The following HRH1 variants were observed in gnomAD, a reference collection of about 807,000 sequenced individuals.
The protein encoded by HRH1 is histamine H1 receptor.
A neutral mutation model predicts 10.3 loss-of-function variants in HRH1; 6 were observed. That is an observed-to-expected ratio of 0.58 (90% CI 0.32 to 1.15). The LOEUF is 1.15. Ranked by LOEUF, HRH1 falls within the 50% of genes most tolerant of loss-of-function variation. The pLI is 0.05. For synonymous variants in HRH1, 242 were observed against 236.7 expected (o/e 1.02, Z -0.21); for missense variants, 514 against 615.3 (o/e 0.84, Z 1.74).
chr3:11,250,686 G>C (rs1167641014), intron 1 of HRH1, among the ~76,000 whole-genome samples: 1 of 152,218 alleles, frequency 6.6e-6, no homozygotes, highest in East Asian at 1.9e-4. Flanking sequence ...GGGAAGATCA[G>C]TAGTAGAATG....
intron 1 of HRH1, among the ~76,000 whole-genome samples, chr3:11,237,688 T>TG (rs1343485013): frequency 7.8e-5 from 8 of 102,242 alleles, no homozygotes; most frequent in African/African-American, 2.8e-4. Flanking sequence ...TTTTTTTTTT[T>TG]TTTTTGAGAT....
intron 1 of HRH1, among the ~76,000 whole-genome samples, chr3:11,223,037 T>G (rs1391849388): frequency 6.7e-6 from 1 of 149,326 alleles, no homozygotes; most frequent in Non-Finnish European, 1.5e-5. Flanking sequence ...ATACAAAAAT[T>G]AGCTGGGCAT....
intron 1 of HRH1, among the ~76,000 whole-genome samples, chr3:11,181,877 C>T (rs537556851): frequency 3.6e-4 from 55 of 152,256 alleles, no homozygotes; most frequent in African/African-American, 1.2e-3. Context: ...GTGATCCTCC[C>T]GCCTTGGCTT....
intron 1 of HRH1, among the ~76,000 whole-genome samples, chr3:11,193,552 C>T (rs1310320655): frequency 6.6e-6 from 1 of 152,010 alleles, no homozygotes; most frequent in Non-Finnish European, 1.5e-5. Context: ...TAGACCGAAC[C>T]TTCTCACTCT....
intron 1 of HRH1, among the ~76,000 whole-genome samples, chr3:11,221,991 A>T (rs1938725221): frequency 6.6e-6 from 1 of 152,152 alleles, no homozygotes; most frequent in Non-Finnish European, 1.5e-5. Context: ...TTCCCCATTC[A>T]TCTGCTGATG....
intron 1 of HRH1, among the ~76,000 whole-genome samples, chr3:11,249,180 A>C (rs1939569362): frequency 6.6e-6 from 1 of 152,094 alleles, no homozygotes. Context: ...GTGGATCACG[A>C]GGTCAGGAGA....
intron 1 of HRH1, among the ~76,000 whole-genome samples, chr3:11,139,942 T>C (rs1399392115): frequency 6.6e-6 from 1 of 152,222 alleles, no homozygotes; most frequent in East Asian, 1.9e-4. Flanking sequence ...CACTGAACTT[T>C]ATACTTTAAA....
intron 1 of HRH1, among the ~76,000 whole-genome samples, chr3:11,214,989 T>C (rs533739545): frequency 3.9e-5 from 6 of 152,362 alleles, no homozygotes; most frequent in African/African-American, 1.4e-4. Flanking sequence ...ACCTGAAGGT[T>C]TGCAACAGAA....
upstream of HRH1, chr3:11,154,448 C>A: frequency 2.7e-3 from 1 of 374 alleles, no homozygotes; most frequent in South Asian, 3.3e-3. The surrounding 1 kb of genome is among the most constrained non-coding windows in gnomAD (Gnocchi z 4.4). Flanking sequence ...CCTCCGGCGC[C>A]CCGCTCCCCG....
intron 1 of HRH1, among the ~76,000 whole-genome samples, chr3:11,179,481 G>A (rs1471679355): frequency 2.6e-5 from 4 of 151,500 alleles, no homozygotes; most frequent in South Asian, 2.1e-4. Flanking sequence ...TTAGCTGGGC[G>A]TGGTGGCGGG....
At chr3:11,182,943 C>T (rs1045250714) in intron 1 of HRH1, among the ~76,000 whole-genome samples, 1 of 152,170 alleles carries the variant, frequency 6.6e-6, no homozygotes, top group Non-Finnish European at 1.5e-5. Context: ...TCTCCTGGGA[C>T]CCCTATAAAG....
rs1939927904 is a variant in HRH1, at chr3:11,260,540, A to G, written c.*39A>G. ...GGGATGCAACAAAATGATCCTTATGATGTCCAACAAGGAAATAGAGGACGA... is the reference window on the plus strand; with the variant it reads ...GGGATGCAACAAAATGATCCTTATGGTGTCCAACAAGGAAATAGAGGACGA... On this transcript the variant is annotated 3_prime_UTR_variant, in exon 2 of 2. Transcript: ENST00000431010. 1 of 1,525,562 alleles carries G rather than the reference A, an allele frequency of 6.6e-7. No homozygotes were observed. Among genetic ancestry groups the G allele is most frequent in the African/African-American group, 1.4e-5 (1 of 72,014 alleles). 94.5% of individuals were successfully genotyped at this position (1,525,562 alleles called of 1,614,324 possible). A position where few individuals can be genotyped will look rare whatever the true frequency, so the allele number is the denominator to read the frequency against.
chr3:11,199,085 G>C (rs948493972), intron 1 of HRH1, among the ~76,000 whole-genome samples: 3 of 151,958 alleles, frequency 2.0e-5, no homozygotes, highest in Admixed American at 2.0e-4. Flanking sequence ...CACCACATGT[G>C]GCTAATTTTT....
intron 1 of HRH1, among the ~76,000 whole-genome samples, chr3:11,211,478 C>G (rs771060292): frequency 4.6e-5 from 7 of 152,224 alleles, no homozygotes; most frequent in Non-Finnish European, 7.3e-5. Context: ...AACAGTGTTT[C>G]ATAATCACAA....
chr3:11,175,232 T>C (rs1449129684), intron 1 of HRH1, among the ~76,000 whole-genome samples: 1 of 152,184 alleles, frequency 6.6e-6, no homozygotes, highest in African/African-American at 2.4e-5. Context: ...ACCTTTGAAG[T>C]AGGTATTTAT....
At chr3:11,166,670 G>A (rs1372095021) in intron 1 of HRH1, among the ~76,000 whole-genome samples, 2 of 130,800 alleles carry the variant, frequency 1.5e-5, no homozygotes, top group African/African-American at 3.0e-5. Flanking sequence ...CCTGTCCCCT[G>A]GCTTCTCCAG....
chr3:11,155,506 T>G (rs1331854423), intron 1 of HRH1, among the ~76,000 whole-genome samples: 1 of 152,074 alleles, frequency 6.6e-6, no homozygotes, highest in Non-Finnish European at 1.5e-5. Context: ...ATCCCACCTC[T>G]TCCCTCCTGA....
At chr3:11,189,091 CT>C (rs1937499558) in intron 1 of HRH1, among the ~76,000 whole-genome samples, 1 of 152,224 alleles carries the variant, frequency 6.6e-6, no homozygotes, top group South Asian at 2.1e-4. Context: ...CAGAAACCCT[CT>C]GAGTGAGCAG....
intron 1 of HRH1, among the ~76,000 whole-genome samples, chr3:11,203,261 TA>T (rs113437497): frequency 0.025 from 3,816 of 152,284 alleles, 168 homozygotes; most frequent in African/African-American, 0.086. Context: ...AAGTCTTGGG[TA>T]AACACCAAGG....
Sources: allele counts gnomAD v4.1 joint callset (sites outside exome capture counted in the v4.1 genomes callset), GRCh38; gene constraint gnomAD v4.1.1; non-coding constraint Gnocchi (gnomAD v3.1); transcripts MANE v1.5; gene names NCBI Gene and HGNC (gene_info 2026-07-23, HGNC 2026-07-21).